WDR43: variants seen among roughly 807,000 people sequenced by gnomAD.
The protein encoded by WDR43 is WD repeat-containing protein 43.
In WDR43, 13 loss-of-function variants were observed where a neutral mutation model predicts 91.4. That is an observed-to-expected ratio of 0.14 (90% CI 0.09 to 0.23). WDR43 has a LOEUF of 0.23. Ranked by LOEUF, WDR43 falls within the 10% of genes least tolerant of loss-of-function variation. The probability of loss-of-function intolerance (pLI) is 1.00; values close to 1 mark genes in which losing one functional copy is unlikely to be tolerated. For synonymous variants in WDR43, 331 were observed against 287.9 expected, an observed-to-expected ratio of 1.15 and a Z score of -1.51; for missense variants, 780 against 809.4, an observed-to-expected ratio of 0.96 and a Z score of 0.44.
At chr2:28,913,986 A>G (rs1200247229) in intron 4 of WDR43, 83 bp from the exon 5 acceptor site, 5 of 1,512,316 alleles carry the variant, frequency 3.3e-6, no homozygotes, top group Non-Finnish European at 4.5e-6. Flanking sequence ...TGTATCACAT[A>G]TGGCTTGTTT....
intron 9 of WDR43, chr2:28,927,076 T>C (rs753836180): frequency 1.9e-6 from 1 of 519,570 alleles, no homozygotes; most frequent in Non-Finnish European, 3.8e-6. Flanking sequence ...CATGCTATGA[T>C]GACATCCATA....
intron 6 of WDR43, among the ~76,000 whole-genome samples, chr2:28,919,562 A>G (rs548720633): frequency 9.2e-5 from 14 of 151,398 alleles, no homozygotes; most frequent in African/African-American, 3.4e-4. Flanking sequence ...AGGCTGAGGC[A>G]GGAGAATGCC....
At chr2:28,917,862 T>A in intron 5 of WDR43, 31 bp from the exon 6 acceptor site, 1 of 1,544,796 alleles carries the variant, frequency 6.5e-7, no homozygotes, top group Non-Finnish European at 8.8e-7. Context: ...AAATCTGTCT[T>A]GCTATCTAAC....
intron 16 of WDR43, among the ~76,000 whole-genome samples, chr2:28,944,258 C>T (rs931793666): frequency 4.3e-5 from 6 of 140,524 alleles, no homozygotes; most frequent in East Asian, 2.1e-4. Flanking sequence ...TATGTGCTGC[C>T]GAAGAGAGCA....
At chr2:28,937,904 T>G (rs755675765) in intron 13 of WDR43, 27 bp from the exon 14 acceptor site, 3 of 1,610,586 alleles carry the variant, frequency 1.9e-6, no homozygotes, top group Non-Finnish European at 2.5e-6. Flanking sequence ...TTTGTGAACA[T>G]TAGTTTACTT....
intron 9 of WDR43, chr2:28,926,943 G>A (rs1671153166): frequency 2.5e-6 from 1 of 407,846 alleles, no homozygotes; most frequent in African/African-American, 2.0e-5. Flanking sequence ...AAACCGTCAT[G>A]GGGCTAGAAT....
At chr2:28,913,301 T>C (rs886139144) in intron 4 of WDR43, among the ~76,000 whole-genome samples, 5 of 151,930 alleles carry the variant, frequency 3.3e-5, no homozygotes, top group Non-Finnish European at 7.4e-5. Flanking sequence ...ACACCAACTA[T>C]GTATCCACAA....
At position 28,909,842 on chromosome 2, in the gene WDR43, C is replaced by T. The variant is rs371886404; in HGVS notation, c.486-2748C>T. The stretch of plus-strand genomic sequence containing the variant: ...CAAGCTGTTACCTTGCCACTGCACT[C>T]TGCCTGGGCAACACAGTGAGACCCT... On this transcript the variant is annotated intron_variant, in intron 3 of 17. Coordinates refer to ENST00000407426, the MANE Select transcript of WDR43 (RefSeq NM_015131.3). Among the ~76,000 whole-genome samples the T allele has an allele frequency of 2.3e-3, 352 of 152,348 alleles. 3 individuals are homozygous for T. The highest frequency in any genetic ancestry group is 8.1e-3 in the African/African-American group (335 of 41,576).
chr2:28,933,832 A>G lies in WDR43; in HGVS notation c.1438-1689A>G, dbSNP rs116013749. 5.2e-3 allele frequency among the ~76,000 whole-genome samples: 798 copies of G among 152,366 alleles called. 6 individuals are homozygous for G. The highest frequency in any genetic ancestry group is 0.018 in the African/African-American group (755 of 41,590). ...TTGATAAAAATGCGAAAGACAGACA[A>G]TAATACCATCTGTTGGTGAGGATGT... On this transcript the variant is annotated intron_variant, in intron 11 of 17. Coordinates refer to ENST00000407426, the MANE Select transcript of WDR43 (RefSeq NM_015131.3).
intron 6 of WDR43, 122 bp from the exon 7 acceptor site, chr2:28,922,797 G>GTTTTTTTTTTTTT (rs70958224): frequency 8.6e-6 from 2 of 233,874 alleles, no homozygotes; most frequent in East Asian, 7.3e-5. Flanking sequence ...TTCTTGCTGT[G>GTTTTTTTTTTTTT]TTTTTTTTTT....
intron 3 of WDR43, among the ~76,000 whole-genome samples, chr2:28,911,298 CT>C (rs11384391): frequency 5.9e-4 from 86 of 145,050 alleles, no homozygotes; most frequent in African/African-American, 4.5e-4. Context: ...TTAATAACCT[CT>C]TTTTTTTTTT....
chr2:28,946,161 C>T (rs886108549), intron 16 of WDR43, among the ~76,000 whole-genome samples: 4 of 151,936 alleles, frequency 2.6e-5, no homozygotes, highest in African/African-American at 9.7e-5. Flanking sequence ...CATGGTGAAA[C>T]CCTGTCTATA....
intron 2 of WDR43, among the ~76,000 whole-genome samples, chr2:28,903,950 G>A (rs995044881): frequency 5.9e-5 from 9 of 152,130 alleles, no homozygotes; most frequent in Non-Finnish European, 8.8e-5. Flanking sequence ...GATTACAGAC[G>A]TGCACCACCA....
intron 10 of WDR43, among the ~76,000 whole-genome samples, chr2:28,929,154 T>A (rs1671196808): frequency 6.6e-6 from 1 of 152,198 alleles, no homozygotes; most frequent in Non-Finnish European, 1.5e-5. Flanking sequence ...ACATAACATT[T>A]CTTTATGCCC....
intron 3 of WDR43, among the ~76,000 whole-genome samples, chr2:28,908,599 G>T (rs1670729134): frequency 2.3e-5 from 2 of 88,618 alleles, no homozygotes; most frequent in Non-Finnish European, 5.2e-5. Context: ...TCATAAGCCT[G>T]TGAGGTGAAC....
At chr2:28,903,697 A>G (rs751040702) in intron 2 of WDR43, among the ~76,000 whole-genome samples, 5 of 152,052 alleles carry the variant, frequency 3.3e-5, no homozygotes, top group Non-Finnish European at 5.9e-5. Flanking sequence ...TACACCTACT[A>G]TAGGTAGGAG....
At chr2:28,922,893 AT>A (rs1221615196) in intron 6 of WDR43, 25 bp from the exon 7 acceptor site, 2 of 1,603,132 alleles carry the variant, frequency 1.2e-6, no homozygotes, top group Non-Finnish European at 1.7e-6. Context: ...ATCCATTATA[AT>A]ACGTTGGTTA....
Position 28,907,507 on chromosome 2 carries a change from C to T in WDR43, c.485+926C>T, listed in dbSNP as rs114791409. Among the ~76,000 whole-genome samples the T allele has an allele frequency of 7.3e-3, 1,081 of 147,194 alleles. 12 individuals are homozygous for T. The highest frequency in any genetic ancestry group is 0.026 in the African/African-American group (1,034 of 39,812). On this transcript the variant is annotated intron_variant, in intron 3 of 17. Transcript: ENST00000407426. The stretch of plus-strand genomic sequence containing the variant: ...CATGCATGGCCTGTGGCCCCAGATA[C>T]GAGTCTGAAGTGGGAGGATTGCTTG...
intron 8 of WDR43, 102 bp downstream of exon 8, chr2:28,925,255 T>C (rs1254746244): frequency 8.8e-7 from 1 of 1,139,758 alleles, no homozygotes; most frequent in Non-Finnish European, 1.2e-6. Flanking sequence ...ATAAATAATA[T>C]ATTCTTTTTT....
Sources: gnomAD v4.1 joint callset for allele counts (sites outside exome capture counted in the v4.1 genomes callset) on GRCh38, gnomAD v4.1.1 for gene constraint, MANE v1.5 for transcripts, NCBI Gene and HGNC (gene_info 2026-07-23, HGNC 2026-07-21) for gene names.